Variants in SCN4A observed in about 807,000 individuals in gnomAD.
SCN4A encodes sodium voltage-gated channel alpha subunit 4.
SCN4A carries 83 observed loss-of-function variants against 162.0 expected under a neutral mutation model. The observed-to-expected ratio is 0.51, with a 90% CI of 0.43 to 0.61. The LOEUF (loss-of-function observed/expected upper bound fraction) is 0.61. Ranked by LOEUF, SCN4A falls within the 20% of genes least tolerant of loss-of-function variation. The pLI is 0.00. For missense variants in SCN4A, 2,196 were observed against 2,462.5 expected, an observed-to-expected ratio of 0.89 and a Z score of 2.29; for synonymous variants, 944 against 985.1, an observed-to-expected ratio of 0.96 and a Z score of 0.78.
chr17:63,943,097 C>T lies in SCN4A; in HGVS notation c.4018-1G>A. 4 of 1,608,172 alleles carry T rather than the reference C, an allele frequency of 2.5e-6. No homozygotes were observed. The highest frequency in any genetic ancestry group is 3.4e-6 in the Non-Finnish European group (4 of 1,175,260). On this transcript the variant is annotated splice_acceptor_variant, in intron 22 of 23. Transcript: ENST00000435607. LOFTEE classifies it high-confidence loss of function. Reference sequence around the variant, plus strand: ...CATACACCATGCCCTGGATCTTGTTCTGCAGCATGGGTGGGAGTGGATGTG... The same window carrying T: ...CATACACCATGCCCTGGATCTTGTTTTGCAGCATGGGTGGGAGTGGATGTG...
intron 13 of SCN4A, among the ~76,000 whole-genome samples, chr17:63,953,406 A>G (rs1232402042): frequency 6.6e-6 from 1 of 152,078 alleles, no homozygotes; most frequent in African/African-American, 2.4e-5. Context: ...AAAACCCATC[A>G]ATACAAGTAG....
rs577473932 is a variant in SCN4A, at chr17:63,941,944, C to G, written c.4338G>C (p.Leu1446=). 3 of 1,603,278 alleles carry G rather than the reference C, an allele frequency of 1.9e-6. No individual in the cohort carries two copies. Among genetic ancestry groups the G allele is most frequent in the East Asian group, 4.5e-5 (2 of 44,658 alleles). ...TCCGCGCCAGGCGGATCACACGGAA[C>G]AGCGTGGGTGACACGAAGTACTTCT... is the stretch of plus-strand genomic sequence containing the variant. ...LIQKYFVSPT[L]FRVIRLARIG... Residue 1446 remains leucine (L), a synonymous_variant, in exon 24 of 24, where the codon CTG becomes CTC. Coordinates refer to ENST00000435607, the MANE Select transcript of SCN4A (RefSeq NM_000334.4). The surrounding 1 kb of genome is among the most constrained non-coding windows in gnomAD (Gnocchi z 6.2).
At position 63,940,744 on chromosome 17, in the gene SCN4A, C is replaced by G. The variant is rs1019945371; in HGVS notation, c.*27G>C. On this transcript the variant is annotated 3_prime_UTR_variant, in exon 24 of 24. Coordinates refer to ENST00000435607, the MANE Select transcript of SCN4A (RefSeq NM_000334.4). ...GGGAGCTCTGGGGACTATGCCGAGA[C>G]TCAGTGGGCCACCCCGATGCTGCCT... 9 of 1,532,910 alleles carry G rather than the reference C, an allele frequency of 5.9e-6. No homozygotes were observed. Among genetic ancestry groups the G allele is most frequent in the South Asian group, 2.6e-5 (2 of 78,254 alleles). The allele number at this position is 1,532,910 out of a possible 1,614,324, so 95.0% of individuals were successfully genotyped here.
rs1356146861 is a variant in SCN4A, at chr17:63,949,376, G to A, written c.2989+17C>T. 4 of 1,560,296 alleles carry A rather than the reference G, an allele frequency of 2.6e-6. No individual in the cohort carries two copies. Among genetic ancestry groups the A allele is most frequent in the Non-Finnish European group, 3.5e-6 (4 of 1,152,046 alleles). The stretch of plus-strand genomic sequence containing the variant: ...GGCCTGGGGGAGACACCCAGATGAG[G>A]TGAGGGGTGCCCTCACCCTCAGTGA... On this transcript the variant is annotated intron_variant, in intron 15 of 23. Transcript: ENST00000435607.
chr17:63,943,328 G>A (rs1908607382), intron 22 of SCN4A, among the ~76,000 whole-genome samples: 1 of 70,404 alleles, frequency 1.4e-5, no homozygotes, highest in Non-Finnish European at 2.9e-5. Context: ...TCATTTTATG[G>A]GGTTCATGGT....
At chr17:63,943,626 GCCTAACCTCACCCAGGGACA>G in intron 22 of SCN4A, 100 bp downstream of exon 22, 1 of 658,722 alleles carries the variant, frequency 1.5e-6, no homozygotes, top group Non-Finnish European at 2.7e-6. Flanking sequence ...CCTGGGGTGG[GCCTAACCTCACCCAGGGACA>G]CAGCCTGGTG....
rs759970327 is a variant in SCN4A at position 63,944,148 on chromosome 17, T to C, written c.3913-298A>G. Among the ~76,000 whole-genome samples, 5 of 151,992 alleles carry C rather than the reference T, an allele frequency of 3.3e-5. No homozygotes were observed. Among genetic ancestry groups the C allele is most frequent in the Non-Finnish European group, 7.4e-5 (5 of 68,000 alleles). On this transcript the variant is annotated intron_variant, in intron 21 of 23. Coordinates refer to ENST00000435607, the MANE Select transcript of SCN4A (RefSeq NM_000334.4). This position sits in a 1 kb window ranked among gnomAD's most constrained non-coding sequence, Gnocchi z 4.3. The stretch of plus-strand genomic sequence containing the variant: ...GCAGGTTGTAGCAGCCTCGTCTTTT[T>C]TTTTGTTGTTGAGATGGAGTCTCGC...
chr17:63,940,831 C>G lies in SCN4A; in HGVS notation c.5451G>C (p.Trp1817Cys). ...LMPISPSDTA[W>C]PPAPPPGQTV... ...TCTGCCCTGGGGGAGGGGCGGGAGG[C>G]CAGGCAGTGTCTGAGGGGCTGATGG... The change falls in exon 24 of 24, where the codon TGG becomes TGC. Residue 1817 changes from tryptophan (W) to cysteine (C), a missense_variant. Transcript: ENST00000435607. 6.2e-7 allele frequency: 1 copy of G among 1,608,178 alleles called. No homozygotes were observed. The highest frequency in any genetic ancestry group is 8.5e-7 in the Non-Finnish European group (1 of 1,176,132).
At position 63,951,780 on chromosome 17, in the gene SCN4A, T is replaced by G; in HGVS notation, c.2497A>C (p.Ile833Leu). The change falls in exon 14 of 24, where the codon ATC (isoleucine) becomes CTC (leucine). Residue 833 changes from isoleucine (I) to leucine (L), a missense_variant. Coordinates refer to ENST00000435607, the MANE Select transcript of SCN4A (RefSeq NM_000334.4). The surrounding 1 kb of genome is among the most constrained non-coding windows in gnomAD (Gnocchi z 4.5). ...QIAIGRIKLG[I>L]GFAKAFLLGL... ...AGGAGGAAGGCCTTGGCAAAGCCGATGCCCAACTTGATGCGCCCGATGGCA... is the reference window on the plus strand; with the variant it reads ...AGGAGGAAGGCCTTGGCAAAGCCGAGGCCCAACTTGATGCGCCCGATGGCA... The G allele has an allele frequency of 6.3e-7, 1 of 1,585,184 alleles. No homozygotes were observed. The highest frequency in any genetic ancestry group is 8.6e-7 in the Non-Finnish European group (1 of 1,165,562).
rs765462777 is a variant in SCN4A at position 63,972,503 on chromosome 17, A to ACAGACAGACAGG, written c.274-45_274-34dup. 1.3e-4 allele frequency: 210 copies of ACAGACAGACAGG among 1,608,576 alleles called. No individual in the cohort carries two copies. Among genetic ancestry groups the ACAGACAGACAGG allele is most frequent in the Middle Eastern group, 3.3e-4 (2 of 6,082 alleles). On this transcript the variant is annotated intron_variant, in intron 1 of 23. Coordinates refer to ENST00000435607, the MANE Select transcript of SCN4A (RefSeq NM_000334.4). The surrounding 1 kb of genome is among the most constrained non-coding windows in gnomAD (Gnocchi z 4.3). The stretch of plus-strand genomic sequence containing the variant: ...GGGAGAGAGGCTGTGAGACCCAGGG[A>ACAGACAGACAGG]CAGACAGACAGGCAGACAGATGGAT...
chr17:63,941,291 A>T lies in SCN4A; in HGVS notation c.4991T>A (p.Leu1664Gln). ...AKPNKIKLIT[L>Q]DLPMVPGDKI... ...GTCCCCTGGCACCATGGGCAAGTCC[A>T]GTGTGATGAGCTTGATCTTGTTGGG... The change falls in exon 24 of 24, where the codon CTG becomes CAG. Residue 1664 changes from leucine (L) to glutamine (Q), a missense_variant. Transcript: ENST00000435607. The surrounding 1 kb of genome is among the most constrained non-coding windows in gnomAD (Gnocchi z 6.2). 6.2e-7 allele frequency: 1 copy of T among 1,613,888 alleles called. No homozygotes were observed. The highest frequency in any genetic ancestry group is 1.1e-5 in the South Asian group (1 of 91,078).
chr17:63,964,921 A>G (rs1239646926), intron 8 of SCN4A, among the ~76,000 whole-genome samples: 1 of 152,216 alleles, frequency 6.6e-6, no homozygotes, highest in Non-Finnish European at 1.5e-5. Context: ...GCATCCTGTT[A>G]TCAGAGAGCC....
Position 63,972,039 on chromosome 17 carries a change from T to C in SCN4A, c.482+97A>G. On this transcript the variant is annotated intron_variant, in intron 3 of 23. Coordinates refer to ENST00000435607, the MANE Select transcript of SCN4A (RefSeq NM_000334.4). This position sits in a 1 kb window ranked among gnomAD's most constrained non-coding sequence, Gnocchi z 4.3. ...GGATGAGGGTCACAATGACAGTGTG[T>C]CTCCCTGAAAGACAAGAGCAGCACC... is the stretch of plus-strand genomic sequence containing the variant. The C allele has an allele frequency of 9.0e-7, 1 of 1,106,724 alleles. No individual in the cohort carries two copies. The highest frequency in any genetic ancestry group is 1.4e-5 in the South Asian group (1 of 73,842). 68.6% of individuals were successfully genotyped at this position (1,106,724 alleles called of 1,614,324 possible). A position where few individuals can be genotyped will look rare whatever the true frequency, so the allele number is the denominator to read the frequency against.
chr17:63,958,844 C>T (rs189614032), intron 12 of SCN4A, among the ~76,000 whole-genome samples: 53 of 152,336 alleles, frequency 3.5e-4, no homozygotes, highest in African/African-American at 1.2e-3. Context: ...TGAGCCACCG[C>T]GTCCAGCTGA....
chr17:63,952,730 A>AAG (rs142325904), intron 13 of SCN4A, among the ~76,000 whole-genome samples: 13,081 of 152,022 alleles, frequency 0.086, 1,426 homozygotes, highest in African/African-American at 0.26. Context: ...TCCCTACGGA[A>AAG]AGACTTAGGA....
intron 6 of SCN4A, among the ~76,000 whole-genome samples, chr17:63,967,759 C>T (rs1909494411): frequency 6.6e-6 from 1 of 151,868 alleles, no homozygotes; most frequent in Non-Finnish European, 1.5e-5. Flanking sequence ...ATGATGTAAC[C>T]CTATCTTTAC....
At position 63,961,517 on chromosome 17, in the gene SCN4A, C is replaced by G. The variant is rs959382925; in HGVS notation, c.1607-86G>C. On this transcript the variant is annotated intron_variant, in intron 10 of 23. Transcript: ENST00000435607. Reference sequence around the variant, plus strand: ...CAGCTAGAGCTTTTGTTCCACCTTCCAAGCCCCGCCCCTTAGCACTCCACA... The same window carrying G: ...CAGCTAGAGCTTTTGTTCCACCTTCGAAGCCCCGCCCCTTAGCACTCCACA... 3 of 952,864 alleles carry G rather than the reference C, an allele frequency of 3.1e-6. No homozygotes were observed. The Admixed American group carries it at 5.3e-5, about 17-fold the overall frequency. 59.0% of individuals were successfully genotyped at this position (952,864 alleles called of 1,614,324 possible).
At chr17:63,967,428 C>T (rs1909483958) in intron 6 of SCN4A, among the ~76,000 whole-genome samples, 1 of 151,104 alleles carries the variant, frequency 6.6e-6, no homozygotes, top group African/African-American at 2.4e-5. Context: ...GCTGGGATTA[C>T]AGGCGTGAGC....
At position 63,971,725 on chromosome 17, in the gene SCN4A, A is replaced by T. The variant is rs933258893; in HGVS notation, c.608T>A (p.Met203Lys). Reference sequence around the variant, plus strand: ...ATGTCCTGGGGCCCCTGCTCACGCCATCATGATGACACTGAAGTCCAGCCA... The same window carrying T: ...ATGTCCTGGGGCCCCTGCTCACGCCTTCATGATGACACTGAAGTCCAGCCA... ...WNWLDFSVIM[M>K]AYLTEFVDLG... The change falls in exon 4 of 24, where the codon ATG becomes AAG. Residue 203 changes from methionine (M) to lysine (K), a missense_variant. Met to Lys is a moderately conservative substitution (Grantham distance 95, BLOSUM62 -1). Coordinates refer to ENST00000435607, the MANE Select transcript of SCN4A (RefSeq NM_000334.4). 2.3e-5 allele frequency: 36 copies of T among 1,595,086 alleles called. No individual in the cohort carries two copies. Among genetic ancestry groups the T allele is most frequent in the Non-Finnish European group, 2.8e-5 (33 of 1,171,106 alleles).
Sources: gnomAD v4.1 joint callset for allele counts (sites outside exome capture counted in the v4.1 genomes callset) on GRCh38, gnomAD v4.1.1 for gene constraint, Gnocchi (gnomAD v3.1) non-coding constraint, MANE v1.5 for transcripts, NCBI Gene and HGNC (gene_info 2026-07-23, HGNC 2026-07-21) for gene names.